The following DST variants were observed in gnomAD, a reference collection of about 807,000 sequenced individuals.
DST encodes bullous pemphigoid antigen.
DST carries 253 observed loss-of-function variants against 875.2 expected under a neutral mutation model. The observed-to-expected ratio is 0.29, with a 90% confidence interval of 0.26 to 0.32. The LOEUF (loss-of-function observed/expected upper bound fraction) is 0.32, where lower values mean the gene tolerates loss of function less well. Among genes scored for constraint, DST ranks in the 10% least tolerant of loss-of-function variants. The pLI, the probability that DST is intolerant of heterozygous loss-of-function variation, is 1.00. For missense variants in DST, 8,287 were observed against 9,111.6 expected (o/e 0.91, Z 3.68); for synonymous variants, 3,124 against 3,197.1 (o/e 0.98, Z 0.77).
chr6:56,596,778 A>T (rs1449925824), intron 47 of DST, among the ~76,000 whole-genome samples: 1 of 152,218 alleles, frequency 6.6e-6, no homozygotes, highest in Non-Finnish European at 1.5e-5. Flanking sequence ...TATTGAAATA[A>T]AATGAGTGAC....
At chr6:56,704,159 G>T in intron 6 of DST, 121 bp downstream of exon 6, 2 of 493,668 alleles carry the variant, frequency 4.1e-6, no homozygotes, top group Non-Finnish European at 3.5e-6. Flanking sequence ...TTTTCAGGCA[G>T]AATTCATAGC....
chr6:56,636,919 T>C (rs1410378845), intron 22 of DST, among the ~76,000 whole-genome samples: 2 of 151,776 alleles, frequency 1.3e-5, no homozygotes, highest in South Asian at 4.2e-4. Context: ...CCATCTCCAC[T>C]AAAAAATACA....
intron 36 of DST, chr6:56,616,647 A>G (rs2098627075): frequency 6.2e-7 from 1 of 1,614,236 alleles, no homozygotes; most frequent in Non-Finnish European, 8.5e-7. Flanking sequence ...GCATTATTCA[A>G]CAACCCCTGC....
chr6:56,843,279 G>A, intron 4 of DST: 1 of 1,251,150 alleles, frequency 8.0e-7, no homozygotes. Flanking sequence ...GAGAAGCACG[G>A]AAGCCGAAGA....
At chr6:56,855,540 G>A (rs975542041) in intron 3 of DST, among the ~76,000 whole-genome samples, 1 of 152,198 alleles carries the variant, frequency 6.6e-6, no homozygotes, top group Non-Finnish European at 1.5e-5. Flanking sequence ...CTACTGCCAT[G>A]CAGTTCAAAG....
chr6:56,601,967 G>A (rs1468841767), intron 43 of DST: 1 of 442,764 alleles, frequency 2.3e-6, no homozygotes. Context: ...AAAAGGCAAA[G>A]ACCTAACTTA....
intron 61 of DST, among the ~76,000 whole-genome samples, chr6:56,546,927 T>C (rs904420255): frequency 6.6e-6 from 1 of 152,198 alleles, no homozygotes; most frequent in African/African-American, 2.4e-5. Context: ...TATAGGTTTA[T>C]CAAGGTAAAA....
In DST at chr6:56,480,429, A is replaced by T. The variant is rs142344958; in HGVS notation, c.21531+1621T>A. On this transcript the variant is annotated intron_variant, in intron 90 of 103. Coordinates refer to ENST00000680361, the MANE Select transcript of DST (RefSeq NM_001374736.1). ...GAATTTGGTGGACTGGACTGTCAAC[A>T]TTCCACTGAATTCTATGCCCTTCCA... Among the ~76,000 whole-genome samples, 3 of 152,334 alleles carry T rather than the reference A, an allele frequency of 2.0e-5. No homozygotes were observed. The East Asian group carries it at 5.8e-4, about 29-fold the overall frequency.
At chr6:56,649,988 A>G (rs541622811) in intron 12 of DST, among the ~76,000 whole-genome samples, 6 of 152,308 alleles carry the variant, frequency 3.9e-5, no homozygotes, top group Admixed American at 3.9e-4. Context: ...TTCTGAAGCA[A>G]CGCTCAACAT....
chr6:56,950,174 A>G (rs972122324), intron 2 of DST, among the ~76,000 whole-genome samples: 2 of 152,184 alleles, frequency 1.3e-5, no homozygotes, highest in Non-Finnish European at 2.9e-5. Context: ...GTCTTTGGGA[A>G]CTGCTTAACT....
chr6:56,633,117 G>A, intron 27 of DST, 80 bp from the exon 28 acceptor site: 1 of 1,100,726 alleles, frequency 9.1e-7, no homozygotes, highest in Non-Finnish European at 1.4e-6. Context: ...TGGTCGTGTG[G>A]TATATGCCAA....
intron 2 of DST, among the ~76,000 whole-genome samples, chr6:56,935,195 C>G (rs1412127701): frequency 1.3e-5 from 2 of 152,100 alleles, no homozygotes; most frequent in Admixed American, 6.5e-5. Flanking sequence ...ATCTCCCACC[C>G]AGAACAGCTG....
intron 68 of DST, among the ~76,000 whole-genome samples, 161 bp from the exon 69 acceptor site, chr6:56,526,728 A>G (rs917556273): frequency 2.0e-5 from 3 of 150,266 alleles, no homozygotes; most frequent in Non-Finnish European, 4.4e-5. Flanking sequence ...TTTTTTATCT[A>G]AAGCTATTTT....
intron 4 of DST, among the ~76,000 whole-genome samples, chr6:56,744,150 A>G (rs1339596212): frequency 7.3e-6 from 1 of 136,802 alleles, no homozygotes; most frequent in Non-Finnish European, 1.6e-5. Flanking sequence ...ACTCTGTCTC[A>G]AAAAAAAAAA....
In DST at chr6:56,572,283, T is replaced by C. The variant is rs41271868; in HGVS notation, c.13555-17A>G. The C allele has an allele frequency of 9.7e-3, 14,773 of 1,524,046 alleles. 104 individuals carry two copies. Among genetic ancestry groups the C allele is most frequent in the Non-Finnish European group, 0.012 (13,103 of 1,129,602 alleles). 94.4% of individuals were successfully genotyped at this position (1,524,046 alleles called of 1,614,324 possible). A position where few individuals can be genotyped will look rare whatever the true frequency, so the allele number is the denominator to read the frequency against. ...AGTTGATTCCTACAAAGCATTAAGA[T>C]ATTCAGTCAATATAAATGTTGCTAG... On this transcript the variant is annotated splice_polypyrimidine_tract_variant and intron_variant, in intron 52 of 103. Transcript: ENST00000680361.
At chr6:56,915,410 G>A (rs1409192549) in intron 2 of DST, among the ~76,000 whole-genome samples, 1 of 152,022 alleles carries the variant, frequency 6.6e-6, no homozygotes, top group African/African-American at 2.4e-5. Flanking sequence ...CAAAGGCCAG[G>A]AACACTAATC....
chr6:56,521,704 G>C (rs1420854879), intron 69 of DST, among the ~76,000 whole-genome samples: 3 of 151,662 alleles, frequency 2.0e-5, no homozygotes, highest in Non-Finnish European at 4.4e-5. Flanking sequence ...AGCAACAAAG[G>C]GAGTAGCTAC....
chr6:56,494,320 A>G lies in DST; in HGVS notation c.20224-140T>C, dbSNP rs376605438. On this transcript the variant is annotated intron_variant, in intron 82 of 103. Transcript: ENST00000680361. Reference sequence around the variant, plus strand: ...CTCAGGGCAACCTTGACGCATTTATACTTTTCACTACATTGAAACAACAAT... The same window carrying G: ...CTCAGGGCAACCTTGACGCATTTATGCTTTTCACTACATTGAAACAACAAT... 9.5e-5 allele frequency: 60 copies of G among 629,476 alleles called. No individual in the cohort carries two copies. In the East Asian group the frequency reaches 1.4e-3, roughly 14 times the overall value. 39.0% of individuals were successfully genotyped at this position (629,476 alleles called of 1,614,324 possible).
In DST at chr6:56,916,987, TAAAAAAAAAAAAA is replaced by T. The variant is rs1161421788; in HGVS notation, c.217-16379_217-16367del. Among the ~76,000 whole-genome samples, 141 of 35,558 alleles carry T rather than the reference TAAAAAAAAAAAAA, an allele frequency of 4.0e-3. 1 individual carries two copies. Among genetic ancestry groups the T allele is most frequent in the African/African-American group, 0.014 (124 of 8,876 alleles). The allele number at this position is 35,558 out of a possible 152,430, so 23.3% of individuals were successfully genotyped here. On this transcript the variant is annotated intron_variant, in intron 2 of 103. Coordinates refer to ENST00000680361, the MANE Select transcript of DST (RefSeq NM_001374736.1). ...ACTCGCCATCAAGCCCCAGGCATGC[TAAAAAAAAAAAAA>T]AAAAAAAAAAAAAAAAAGACAGGCA...
Sources: allele counts gnomAD v4.1 joint callset (sites outside exome capture counted in the v4.1 genomes callset), GRCh38; gene constraint gnomAD v4.1.1; transcripts MANE v1.5; gene names NCBI Gene and HGNC (gene_info 2026-07-23, HGNC 2026-07-21).